JAZF1: variants seen among roughly 807,000 people sequenced by gnomAD.
JAZF1 encodes juxtaposed with another zinc finger protein 1.
Under a neutral mutation model 26.4 loss-of-function variants are expected in JAZF1, and 8 were observed. That is an observed-to-expected ratio of 0.30 (90% CI 0.18 to 0.55). The LOEUF is 0.55. JAZF1 is among the 20% of genes least tolerant of loss of function. The pLI is 0.94. For missense variants in JAZF1, 199 were observed against 322.0 expected (o/e 0.62, Z 2.92); for synonymous variants, 126 against 122.3 (o/e 1.03, Z -0.20).
At chr7:27,985,481 A>C (rs1785680869) in intron 2 of JAZF1, among the ~76,000 whole-genome samples, 1 of 152,218 alleles carries the variant, frequency 6.6e-6, no homozygotes, top group Non-Finnish European at 1.5e-5. Flanking sequence ...AACCAAAAAA[A>C]GTCCAGGACC....
intron 1 of JAZF1, among the ~76,000 whole-genome samples, chr7:28,027,761 C>T (rs1358002006): frequency 6.6e-6 from 1 of 152,208 alleles, no homozygotes; most frequent in Non-Finnish European, 1.5e-5. Flanking sequence ...GCAAAACAGA[C>T]ACTACATTTT....
chr7:28,115,881 G>C (rs554556356), intron 1 of JAZF1, among the ~76,000 whole-genome samples: 1 of 151,426 alleles, frequency 6.6e-6, no homozygotes, highest in African/African-American at 2.4e-5. Flanking sequence ...CTACATCAAA[G>C]GGAGCATACT....
intron 3 of JAZF1, among the ~76,000 whole-genome samples, chr7:27,847,949 G>T (rs1432851007): frequency 6.6e-6 from 1 of 152,132 alleles, no homozygotes; most frequent in African/African-American, 2.4e-5. Context: ...ATTACAGCAT[G>T]AGCCACCGTG....
intron 1 of JAZF1, among the ~76,000 whole-genome samples, chr7:28,101,770 C>T (rs944903300): frequency 2.0e-5 from 3 of 151,818 alleles, no homozygotes; most frequent in Non-Finnish European, 4.4e-5. Context: ...AAAATGTAAG[C>T]CCATTTTAAG....
chr7:28,085,539 C>T (rs146129935), intron 1 of JAZF1, among the ~76,000 whole-genome samples: 2 of 152,152 alleles, frequency 1.3e-5, no homozygotes, highest in Admixed American at 1.3e-4. Context: ...TTTCCCCAGA[C>T]TAAGACCTCA....
At chr7:27,834,651 A>G (rs1249637380) in intron 4 of JAZF1, among the ~76,000 whole-genome samples, 2 of 152,216 alleles carry the variant, frequency 1.3e-5, no homozygotes, top group African/African-American at 2.4e-5. Flanking sequence ...CTGAAATGTT[A>G]GATGGGTAGA....
intron 2 of JAZF1, among the ~76,000 whole-genome samples, chr7:27,962,990 T>C (rs1339920504): frequency 6.6e-6 from 1 of 152,286 alleles, no homozygotes; most frequent in Non-Finnish European, 1.5e-5. Context: ...AACTTCACTG[T>C]GTGGGGTTAG....
At chr7:27,843,715 G>T (rs940926125) in intron 3 of JAZF1, 2 of 152,262 alleles carry the variant, frequency 1.3e-5, no homozygotes, top group Non-Finnish European at 2.9e-5. Context: ...AGGGAGCGCA[G>T]CTGGGGCTCA....
Position 27,928,638 on chromosome 7 carries a change from G to C in JAZF1, c.189-33222C>G, listed in dbSNP as rs969495474. ...GAGTTACAGCCTTCTAACAGAGCAA[G>C]CACATGGATGGAGCTGGAGGCCATT... On this transcript the variant is annotated intron_variant, in intron 2 of 4. Coordinates refer to ENST00000283928, the MANE Select transcript of JAZF1 (RefSeq NM_175061.4). Among the ~76,000 whole-genome samples, 13 of 152,206 alleles carry C rather than the reference G, an allele frequency of 8.5e-5. No homozygotes were observed. The East Asian group carries it at 1.7e-3, about 20-fold the overall frequency.
In JAZF1 at chr7:27,948,851, T is replaced by G. The variant is rs538145162; in HGVS notation, c.188+43058A>C. Among the ~76,000 whole-genome samples, 120 of 152,354 alleles carry G rather than the reference T, an allele frequency of 7.9e-4. 1 individual carries two copies. Among genetic ancestry groups the G allele is most frequent in the African/African-American group, 2.9e-3 (120 of 41,580 alleles). The stretch of plus-strand genomic sequence containing the variant: ...TGGAATTTTTTCACTTGCTTCATTC[T>G]ACATTTGTGCAGCGTTCTACCCTAT... On this transcript the variant is annotated intron_variant, in intron 2 of 4. Transcript: ENST00000283928.
chr7:28,001,586 T>C (rs1195168983), intron 1 of JAZF1, among the ~76,000 whole-genome samples: 1 of 152,206 alleles, frequency 6.6e-6, no homozygotes, highest in African/African-American at 2.4e-5. Flanking sequence ...GAAGACAGTT[T>C]GAGCAGATAA....
At chr7:28,028,835 G>A (rs1783135517) in intron 1 of JAZF1, among the ~76,000 whole-genome samples, 1 of 152,070 alleles carries the variant, frequency 6.6e-6, no homozygotes, top group Admixed American at 6.5e-5. Context: ...TTGCCATTAT[G>A]GACTTCTCCC....
intron 1 of JAZF1, among the ~76,000 whole-genome samples, chr7:28,094,395 A>T (rs1784349203): frequency 6.6e-6 from 1 of 152,180 alleles, no homozygotes; most frequent in African/African-American, 2.4e-5. Context: ...GCCAAACATC[A>T]GCAGTCTCCT....
chr7:28,176,070 T>C (rs1384154911), intron 1 of JAZF1, among the ~76,000 whole-genome samples: 1 of 152,218 alleles, frequency 6.6e-6, no homozygotes, highest in African/African-American at 2.4e-5. Flanking sequence ...TGAAGCACTG[T>C]AGGTTTATTA....
chr7:28,056,526 G>A (rs896174331), intron 1 of JAZF1, among the ~76,000 whole-genome samples: 5 of 152,004 alleles, frequency 3.3e-5, no homozygotes, highest in Admixed American at 1.3e-4. Context: ...CTGAGTGTGA[G>A]CATGAAATTT....
chr7:28,092,290 CAAAA>C (rs749913273), intron 1 of JAZF1, among the ~76,000 whole-genome samples: 694 of 12,794 alleles, frequency 0.054, 15 homozygotes, highest in African/African-American at 0.13. Context: ...GGACAAAAGG[CAAAA>C]AAAAAAAAAA....
intron 2 of JAZF1, among the ~76,000 whole-genome samples, chr7:27,971,675 C>T (rs77979108): frequency 0.011 from 1,610 of 152,148 alleles, 24 homozygotes; most frequent in African/African-American, 0.036. Context: ...AAGGGGAAAA[C>T]GATAAATCAA....
chr7:27,857,504 C>T (rs1703581659), intron 3 of JAZF1, among the ~76,000 whole-genome samples: 1 of 152,232 alleles, frequency 6.6e-6, no homozygotes, highest in Non-Finnish European at 1.5e-5. Context: ...CCAGAGTGGG[C>T]GCCAAGGCTG....
intron 2 of JAZF1, among the ~76,000 whole-genome samples, chr7:27,907,503 T>C (rs1784283000): frequency 6.6e-6 from 1 of 152,282 alleles, no homozygotes. Flanking sequence ...AAGCCTGGGA[T>C]TGGACATCTC....
Sources: allele counts gnomAD v4.1 joint callset (sites outside exome capture counted in the v4.1 genomes callset), GRCh38; gene constraint gnomAD v4.1.1; transcripts MANE v1.5; gene names NCBI Gene and HGNC (gene_info 2026-07-23, HGNC 2026-07-21).